MUC3A: variants seen among roughly 807,000 people sequenced by gnomAD.
The protein encoded by MUC3A is mucin-3A.
In MUC3A, 109 loss-of-function variants were observed where a neutral mutation model predicts 109.0. That is an observed-to-expected ratio of 1.00 (90% CI 0.86 to 1.17). The LOEUF is 1.17. Among genes scored for constraint, MUC3A ranks in the 50% most tolerant of loss-of-function variants. The pLI is 0.00. For synonymous variants in MUC3A, 1,398 were observed against 981.4 expected, an observed-to-expected ratio of 1.42 and a Z score of -7.93; for missense variants, 3,537 against 2,469.4, an observed-to-expected ratio of 1.43 and a Z score of -9.16.
In MUC3A at chr7:100,953,669, T is replaced by G; in HGVS notation, c.1890T>G (p.Thr630=). 2.2e-6 allele frequency: 1 copy of G among 446,264 alleles called. No homozygotes were observed. Among genetic ancestry groups the G allele is most frequent in the Admixed American group, 3.7e-5 (1 of 26,956 alleles). 27.6% of individuals were successfully genotyped at this position (446,264 alleles called of 1,614,324 possible). A position where few individuals can be genotyped will look rare whatever the true frequency, so the allele number is the denominator to read the frequency against. The part of the protein sequence containing the change: ...MSTESLTTAM[T]SPPITSSVTS... ...CAGAATCTCTCACAACAGCCATGAC[T>G]TCTCCTCCCATCACTTCATCAGTCA... The change falls in exon 2 of 12, where the codon ACT becomes ACG. Residue 630 remains threonine, a synonymous_variant. Coordinates refer to ENST00000379458, the MANE Select transcript of MUC3A (RefSeq NM_005960.2).
chr7:100,961,047 T>G, intron 3 of MUC3A, 110 bp downstream of exon 3: 1 of 1,562,316 alleles, frequency 6.4e-7, no homozygotes, highest in Non-Finnish European at 8.6e-7. Flanking sequence ...TTTTGCCCGG[T>G]CCTTCCCTCC....
chr7:100,955,224 C>G lies in MUC3A; in HGVS notation c.3445C>G (p.Leu1149Val). Residue 1149 changes from leucine (L) to valine (V), a missense_variant, in exon 2 of 12, where the codon CTT becomes GTT. Transcript: ENST00000379458. ...LITTTPNTTS[L>V]STPSFTSSTI... The stretch of plus-strand genomic sequence containing the variant: ...AACCACCACCCCTAATACCACCTCC[C>G]TTAGTACCCCCAGCTTCACTTCTTC... The G allele has an allele frequency of 1.6e-6, 1 of 628,194 alleles. No individual in the cohort carries two copies. Among genetic ancestry groups the G allele is most frequent in the South Asian group, 1.5e-5 (1 of 68,274 alleles). 38.9% of individuals were successfully genotyped at this position (628,194 alleles called of 1,614,324 possible). A position where few individuals can be genotyped will look rare whatever the true frequency, so the allele number is the denominator to read the frequency against.
Position 100,959,399 on chromosome 7 carries a change from T to G in MUC3A, c.7620T>G (p.Leu2540=). The change falls in exon 2 of 12, where the codon CTT becomes CTG. Residue 2540 remains leucine (L), a synonymous_variant. Transcript: ENST00000379458. ...TCCAAAGTACAGAAACCTCATCCCTTGTGGGCACCACCTCTCCCACCATGT... is the reference window on the plus strand; with the variant it reads ...TCCAAAGTACAGAAACCTCATCCCTGGTGGGCACCACCTCTCCCACCATGT... ...PSIQSTETSS[L]VGTTSPTMST... 1 of 1,537,292 alleles carries G rather than the reference T, an allele frequency of 6.5e-7. No homozygotes were observed. The highest frequency in any genetic ancestry group is 2.2e-5 in the East Asian group (1 of 44,590).
At position 100,959,881 on chromosome 7, in the gene MUC3A, C is replaced by G; in HGVS notation, c.8102C>G (p.Pro2701Arg). 1 of 1,551,418 alleles carries G rather than the reference C, an allele frequency of 6.4e-7. No homozygotes were observed. The highest frequency in any genetic ancestry group is 8.6e-7 in the Non-Finnish European group (1 of 1,157,358). ...TCTCCATCTTCTGCCAGCATAACTCCAGTGTTTTCCACTACCATTCATTCT... is the reference window on the plus strand; with the variant it reads ...TCTCCATCTTCTGCCAGCATAACTCGAGTGTTTTCCACTACCATTCATTCT... ...SSSPSSASIT[P>R]VFSTTIHSVP... The change falls in exon 2 of 12, where the codon CCA (proline) becomes CGA (arginine). Residue 2701 changes from proline to arginine, a missense_variant. Transcript: ENST00000379458.
rs1792654088 is a variant in MUC3A at position 100,967,633 on chromosome 7, A to G, written c.*471A>G. 7.7e-6 allele frequency: 2 copies of G among 260,354 alleles called. No individual in the cohort carries two copies. The highest frequency in any genetic ancestry group is 1.5e-5 in the Non-Finnish European group (2 of 135,440). The allele number at this position is 260,354 out of a possible 1,614,324, so 16.1% of individuals were successfully genotyped here. On this transcript the variant is annotated 3_prime_UTR_variant, in exon 12 of 12. Coordinates refer to ENST00000379458, the MANE Select transcript of MUC3A (RefSeq NM_005960.2). The stretch of plus-strand genomic sequence containing the variant: ...TCCCTACTGCCTGTTTCTTACTTTG[A>G]ACCTGGAGGCAGCCTGCAGCCCCAT...
At position 100,965,765 on chromosome 7, in the gene MUC3A, CA is replaced by C; in HGVS notation, c.9511del (p.Thr3171ProfsTer61). The stretch of plus-strand genomic sequence containing the variant: ...AGTTCTACTTCCCCTTGGTGGAGGC[CA>C]CCCGGCTCCGCTGTGTCACCAAATG... ...EEFYFPLVEATRLRCVTKCTS... is the reference protein window; with the variant it reads ...EEFYFPLVEAXRLRCVTKCTS... On this transcript the variant is annotated frameshift_variant, in exon 8 of 12. Coordinates refer to ENST00000379458, the MANE Select transcript of MUC3A (RefSeq NM_005960.2). LOFTEE classifies it high-confidence loss of function. 6.3e-7 allele frequency: 1 copy of C among 1,598,464 alleles called. No individual in the cohort carries two copies. Among genetic ancestry groups the C allele is most frequent in the South Asian group, 1.1e-5 (1 of 91,074 alleles).
chr7:100,966,428 C>CTG lies in MUC3A; in HGVS notation c.9654_9655insTG (p.Glu3219TrpfsTer14). 1 of 1,348,272 alleles carries CTG rather than the reference C, an allele frequency of 7.4e-7. No homozygotes were observed. The highest frequency in any genetic ancestry group is 9.5e-7 in the Non-Finnish European group (1 of 1,057,072). 83.5% of individuals were successfully genotyped at this position (1,348,272 alleles called of 1,614,324 possible). ...CGCACTGGTTCTCTGGCCCGCGCTG[C>CTG]GAGGTGGCCGTCCACTGGAGGGCGC... On this transcript the variant is annotated frameshift_variant, in exon 9 of 12. Transcript: ENST00000379458. LOFTEE classifies it high-confidence loss of function.
At position 100,952,286 on chromosome 7, in the gene MUC3A, C is replaced by T. The variant is rs759794240; in HGVS notation, c.507C>T (p.Thr169=). 9.2e-5 allele frequency: 147 copies of T among 1,598,422 alleles called. No homozygotes were observed. The highest frequency in any genetic ancestry group is 6.5e-4 in the African/African-American group (49 of 75,002). ...STPVTQKPVT[T]VTSTYSMTTT... The stretch of plus-strand genomic sequence containing the variant: ...CCGTGACACAGAAGCCAGTGACCAC[C>T]GTCACCAGTACTTACTCTATGACCA... The change falls in exon 2 of 12, where the codon ACC becomes ACT. Residue 169 remains threonine (T), a synonymous_variant. Transcript: ENST00000379458.
chr7:100,964,871 G>C (rs778640785), intron 6 of MUC3A, 28 bp downstream of exon 6: 1 of 1,581,292 alleles, frequency 6.3e-7, no homozygotes. Context: ...GGAGGGGCCA[G>C]GGCCTGAGGT....
In MUC3A at chr7:100,964,679, G is replaced by T; in HGVS notation, c.9234-16G>T. On this transcript the variant is annotated splice_polypyrimidine_tract_variant and intron_variant, in intron 5 of 11. Transcript: ENST00000379458. ...GTTCCTGGCTGGGGCACTCTCTAAG[G>T]CTGTGGACCCCTCAGGAATGGCAGC... 6.3e-7 allele frequency: 1 copy of T among 1,596,952 alleles called. No homozygotes were observed. Among genetic ancestry groups the T allele is most frequent in the Non-Finnish European group, 8.5e-7 (1 of 1,178,712 alleles).
chr7:100,966,484 T>G lies in MUC3A; in HGVS notation c.9710T>G (p.Leu3237Arg). The part of the protein sequence containing the change: ...LVGGLTAGAA[L>R]LVLLLLALGV... ...GGGGGCCTGACGGCCGGCGCCGCGC[T>G]GCTGGTGCTGCTGCTGCTGGCGCTG... The change falls in exon 9 of 12, where the codon CTG becomes CGG. Residue 3237 changes from leucine to arginine, a missense_variant. By Grantham distance (102) the Leu-to-Arg change is moderately radical. Transcript: ENST00000379458. The G allele has an allele frequency of 7.6e-7, 1 of 1,316,202 alleles. No homozygotes were observed. Among genetic ancestry groups the G allele is most frequent in the Non-Finnish European group, 9.6e-7 (1 of 1,042,448 alleles). 81.5% of individuals were successfully genotyped at this position (1,316,202 alleles called of 1,614,324 possible).
intron 5 of MUC3A, 173 bp downstream of exon 5, chr7:100,963,925 C>A: frequency 1.1e-6 from 1 of 899,144 alleles, no homozygotes; most frequent in Non-Finnish European, 1.7e-6. Context: ...GGCCATTTAT[C>A]TGGAGGAGGG....
At position 100,967,297 on chromosome 7, in the gene MUC3A, C is replaced by G; in HGVS notation, c.*135C>G. ...TGTTCTTGGGCAAGATGAGACTGTT[C>G]CCCCAAATCCCATCCTTCTCCTTCC... On this transcript the variant is annotated 3_prime_UTR_variant, in exon 12 of 12. Transcript: ENST00000379458. 2 of 1,368,684 alleles carry G rather than the reference C, an allele frequency of 1.5e-6. No homozygotes were observed. Among genetic ancestry groups the G allele is most frequent in the South Asian group, 1.3e-5 (1 of 76,630 alleles). The allele number at this position is 1,368,684 out of a possible 1,614,324, so 84.8% of individuals were successfully genotyped here. A position where few individuals can be genotyped will look rare whatever the true frequency, so the allele number is the denominator to read the frequency against.
At position 100,952,596 on chromosome 7, in the gene MUC3A, A is replaced by T. The variant is rs375188595; in HGVS notation, c.817A>T (p.Thr273Ser). 23 of 1,598,392 alleles carry T rather than the reference A, an allele frequency of 1.4e-5. No individual in the cohort carries two copies. Among genetic ancestry groups the T allele is most frequent in the Non-Finnish European group, 1.9e-5 (22 of 1,179,772 alleles). The stretch of plus-strand genomic sequence containing the variant: ...TTCCACAAATACAGTGACTTCTATG[A>T]CAACGACCGCCTCCCAGCCCACAGC... ...ITSTNTVTSM[T>S]TTASQPTATN... is the part of the protein sequence containing the mutation. The change falls in exon 2 of 12, where the codon ACA (threonine) becomes TCA (serine). Residue 273 changes from threonine (T) to serine (S), a missense_variant. By Grantham distance (58) the Thr-to-Ser change is moderately conservative. Coordinates refer to ENST00000379458, the MANE Select transcript of MUC3A (RefSeq NM_005960.2).
Position 100,967,991 on chromosome 7 carries a change from C to A in MUC3A, c.*829C>A, listed in dbSNP as rs4236552. On this transcript the variant is annotated 3_prime_UTR_variant, in exon 12 of 12. Transcript: ENST00000379458. ...ACCTAAATACCCCAGCTGCTGTTCC[C>A]CCCATCACCCTGCTGCCCAATTCTT... is the stretch of plus-strand genomic sequence containing the variant. 1.3e-4 allele frequency: 1 copy of A among 7,886 alleles called. No homozygotes were observed. The highest frequency in any genetic ancestry group is 2.6e-4 in the Non-Finnish European group (1 of 3,850). The allele number at this position is 7,886 out of a possible 1,614,324, so 0.5% of individuals were successfully genotyped here.
rs749920846 is a variant in MUC3A at position 100,965,684 on chromosome 7, TC to T, written c.9449-15del. 1.3e-6 allele frequency: 2 copies of T among 1,592,562 alleles called. No individual in the cohort carries two copies. Among genetic ancestry groups the T allele is most frequent in the Non-Finnish European group, 1.7e-6 (2 of 1,176,340 alleles). On this transcript the variant is annotated intron_variant, in intron 7 of 11. Transcript: ENST00000379458. ...TGGATGAGGTCCTTGTCTCTGTGCA[TC>T]CCCCTCCCCAACCCCCAGCCATCTG...
In MUC3A at chr7:100,959,610, C is replaced by T. The variant is rs756172583; in HGVS notation, c.7831C>T (p.Leu2611Phe). The T allele has an allele frequency of 6.3e-7, 1 of 1,598,282 alleles. No individual in the cohort carries two copies. The highest frequency in any genetic ancestry group is 1.7e-5 in the Admixed American group (1 of 60,002). ...FGSTDSSTSTLHTLTPSTALS... is the reference protein window; with the variant it reads ...FGSTDSSTSTFHTLTPSTALS... ...AAGTACGGATTCCTCCACGTCCACT[C>T]TTCATACTCTTACTCCATCAACAGC... The change falls in exon 2 of 12, where the codon CTT becomes TTT. Residue 2611 changes from leucine to phenylalanine, a missense_variant. By Grantham distance (22) the Leu-to-Phe change is conservative (BLOSUM62 0). Transcript: ENST00000379458.
At position 100,957,665 on chromosome 7, in the gene MUC3A, C is replaced by A; in HGVS notation, c.5886C>A (p.Ile1962=). The change falls in exon 2 of 12, where the codon ATC becomes ATA. Residue 1962 remains isoleucine (I), a synonymous_variant. Coordinates refer to ENST00000379458, the MANE Select transcript of MUC3A (RefSeq NM_005960.2). ...GCTCTCCCAGCTTCACTTCTTCGAT[C>A]ACCACCACCGAGACCACATCCCACA... is the stretch of plus-strand genomic sequence containing the variant. ...SHSSPSFTSS[I]TTTETTSHNT... The A allele has an allele frequency of 6.5e-7, 1 of 1,550,378 alleles. No homozygotes were observed. The highest frequency in any genetic ancestry group is 8.8e-7 in the Non-Finnish European group (1 of 1,140,290).
At position 100,960,502 on chromosome 7, in the gene MUC3A, A is replaced by C. The variant is rs1792285859; in HGVS notation, c.8723A>C (p.Lys2908Thr). ...CCGACCATCCTGAGGACTTCAAGCA[A>C]GTCAACACACCCCTCCCCACCCACC... ...SLPTILRTSSKSTHPSPPTTR... is the reference protein window; with the variant it reads ...SLPTILRTSSTSTHPSPPTTR... Residue 2908 changes from lysine to threonine, a missense_variant, in exon 2 of 12, where the codon AAG (lysine) becomes ACG (threonine). By Grantham distance (78) the Lys-to-Thr change is moderately conservative (BLOSUM62 -1). Transcript: ENST00000379458. The C allele has an allele frequency of 1.9e-6, 3 of 1,598,706 alleles. No homozygotes were observed. The highest frequency in any genetic ancestry group is 8.5e-7 in the Non-Finnish European group (1 of 1,179,822).
Sources: gnomAD v4.1 joint callset for allele counts on GRCh38, gnomAD v4.1.1 for gene constraint, MANE v1.5 for transcripts, NCBI Gene and HGNC (gene_info 2026-07-23, HGNC 2026-07-21) for gene names.